KIAA1549L: variants seen among roughly 807,000 people sequenced by gnomAD.
The protein encoded by KIAA1549L is UPF0606 protein KIAA1549L.
A neutral mutation model predicts 160.7 loss-of-function variants in KIAA1549L; 88 were observed. The observed-to-expected ratio is 0.55, with a 90% CI of 0.46 to 0.65. The LOEUF (loss-of-function observed/expected upper bound fraction) is 0.65, where lower values mean the gene tolerates loss of function less well. Ranked by LOEUF, KIAA1549L falls within the 30% of genes least tolerant of loss-of-function variation. KIAA1549L has a pLI of 0.00. For synonymous variants in KIAA1549L, 950 were observed against 976.7 expected (o/e 0.97, Z 0.51); for missense variants, 2,258 against 2,437.5 (o/e 0.93, Z 1.55).
intron 1 of KIAA1549L, among the ~76,000 whole-genome samples, chr11:33,492,430 C>G (rs1277674366): frequency 6.6e-6 from 1 of 152,092 alleles, no homozygotes; most frequent in African/African-American, 2.4e-5. Context: ...ACCTTGAACC[C>G]TGGACTAGGA....
chr11:33,457,835 T>A (rs1851861321), intron 1 of KIAA1549L, among the ~76,000 whole-genome samples: 1 of 152,210 alleles, frequency 6.6e-6, no homozygotes, highest in Admixed American at 6.5e-5. Context: ...TAGGGTCCCA[T>A]TCTGGCCCTC....
At chr11:33,592,403 T>C (rs935023928) in intron 12 of KIAA1549L, among the ~76,000 whole-genome samples, 6 of 152,188 alleles carry the variant, frequency 3.9e-5, no homozygotes, top group African/African-American at 4.8e-5. Flanking sequence ...GACTTTGCAA[T>C]AGCCTTATAA....
At chr11:33,478,318 GC>G in intron 1 of KIAA1549L, among the ~76,000 whole-genome samples, 1 of 152,330 alleles carries the variant, frequency 6.6e-6, no homozygotes, top group Admixed American at 6.5e-5. Flanking sequence ...GGCTTTGCAA[GC>G]CCCCCAGACG....
At chr11:33,422,765 A>G (rs1851044199) in intron 1 of KIAA1549L, among the ~76,000 whole-genome samples, 1 of 151,908 alleles carries the variant, frequency 6.6e-6, no homozygotes, top group South Asian at 2.1e-4. Context: ...ATAATGAGGT[A>G]TAGTCAGTGG....
At chr11:33,434,272 T>C (rs1055357932) in intron 1 of KIAA1549L, among the ~76,000 whole-genome samples, 1 of 152,168 alleles carries the variant, frequency 6.6e-6, no homozygotes, top group Non-Finnish European at 1.5e-5. Context: ...CTGATGGTTT[T>C]ATAAATGGGA....
intron 1 of KIAA1549L, among the ~76,000 whole-genome samples, chr11:33,482,176 T>C (rs1852423817): frequency 6.6e-6 from 1 of 152,250 alleles, no homozygotes; most frequent in African/African-American, 2.4e-5. Context: ...AGGTTATTGA[T>C]TTTTGAGGAT....
chr11:33,616,390 T>C (rs1430256226), intron 15 of KIAA1549L, among the ~76,000 whole-genome samples: 5 of 152,088 alleles, frequency 3.3e-5, no homozygotes, highest in Non-Finnish European at 7.4e-5. Flanking sequence ...ACAACTCAGG[T>C]CAGATGCCCA....
rs1005645556 is a variant in KIAA1549L at position 33,673,009 on chromosome 11, A to T, written c.*4855A>T. On this transcript the variant is annotated 3_prime_UTR_variant, in exon 21 of 21. Coordinates refer to ENST00000658780, the MANE Select transcript of KIAA1549L (RefSeq NM_012194.3). ...TTGGCTGTGACCTTCTGAATATAAT[A>T]ACTTAGTGTCCTGAGAATTGAAAGG... is the stretch of plus-strand genomic sequence containing the variant. 9.2e-5 allele frequency: 14 copies of T among 152,432 alleles called. No homozygotes were observed. Among genetic ancestry groups the T allele is most frequent in the Non-Finnish European group, 2.9e-5 (2 of 68,046 alleles). 9.4% of individuals were successfully genotyped at this position (152,432 alleles called of 1,614,324 possible).
intron 10 of KIAA1549L, among the ~76,000 whole-genome samples, chr11:33,577,985 A>G (rs564983627): frequency 3.0e-4 from 46 of 152,266 alleles, no homozygotes; most frequent in African/African-American, 1.0e-3. Context: ...GTCACTGTCT[A>G]TAGTCTTATT....
chr11:33,620,454 A>G (rs567811856), intron 16 of KIAA1549L, among the ~76,000 whole-genome samples: 4 of 152,356 alleles, frequency 2.6e-5, no homozygotes, highest in African/African-American at 4.8e-5. Context: ...TTGCTTACCT[A>G]TATCTCCTCT....
In KIAA1549L at chr11:33,542,493, A is replaced by G; in HGVS notation, c.930A>G (p.Ile310Met). Residue 310 changes from isoleucine to methionine, a missense_variant, in exon 2 of 21, where the codon ATA (isoleucine) becomes ATG (methionine). By Grantham distance (10) the Ile-to-Met change is conservative (BLOSUM62 1). Coordinates refer to ENST00000658780, the MANE Select transcript of KIAA1549L (RefSeq NM_012194.3). ...CATCCCAAAATGCCCAGGATCTCAT[A>G]GGCATCCCTCATCTAGGTGTTTCTG... ...HTASQNAQDL[I>M]GIPHLGVSGS... 1 of 1,613,654 alleles carries G rather than the reference A, an allele frequency of 6.2e-7. No homozygotes were observed. Among genetic ancestry groups the G allele is most frequent in the Non-Finnish European group, 8.5e-7 (1 of 1,179,722 alleles).
chr11:33,567,305 G>A (rs1043577427), intron 8 of KIAA1549L, among the ~76,000 whole-genome samples: 1 of 152,234 alleles, frequency 6.6e-6, no homozygotes. Flanking sequence ...AGCTCATTGG[G>A]CTTATGTTGG....
chr11:33,390,168 G>A (rs1182280194), intron 1 of KIAA1549L, among the ~76,000 whole-genome samples: 1 of 152,180 alleles, frequency 6.6e-6, no homozygotes, highest in Non-Finnish European at 1.5e-5. Context: ...AACAGTAACT[G>A]GTTCAGTGTC....
Position 33,667,935 on chromosome 11 carries a change from C to T in KIAA1549L, c.6222C>T (p.Ser2074=), listed in dbSNP as rs375635200. Residue 2074 remains serine (S), a synonymous_variant, in exon 21 of 21, where the codon TCC becomes TCT. Coordinates refer to ENST00000658780, the MANE Select transcript of KIAA1549L (RefSeq NM_012194.3). Reference sequence around the variant, plus strand: ...CACGGTACCCCCAGAGCTCTCCCTCCAGGCTTCCTCGTCAGTACAGCCAGC... The same window carrying T: ...CACGGTACCCCCAGAGCTCTCCCTCTAGGCTTCCTCGTCAGTACAGCCAGC... ...PRSRYPQSSP[S]RLPRQYSQPA... 2.5e-6 allele frequency: 4 copies of T among 1,613,708 alleles called. No homozygotes were observed. The African/African-American group carries it at 5.3e-5, about 22-fold the overall frequency.
chr11:33,603,821 G>A (rs1322136342), intron 13 of KIAA1549L, among the ~76,000 whole-genome samples: 1 of 151,162 alleles, frequency 6.6e-6, no homozygotes, highest in African/African-American at 2.4e-5. Context: ...AAAAAAGAAA[G>A]AAAAAAGAAG....
At chr11:33,608,189 C>A (rs931482468) in intron 14 of KIAA1549L, among the ~76,000 whole-genome samples, 3 of 152,194 alleles carry the variant, frequency 2.0e-5, no homozygotes, top group Non-Finnish European at 4.4e-5. Flanking sequence ...TAGTTCATTT[C>A]TCTGTGCCTC....
intron 1 of KIAA1549L, among the ~76,000 whole-genome samples, chr11:33,455,788 A>C (rs1447309317): frequency 6.6e-6 from 1 of 152,206 alleles, no homozygotes. Context: ...TAAATAATTG[A>C]AGTACTTATC....
intron 1 of KIAA1549L, among the ~76,000 whole-genome samples, chr11:33,405,882 A>G (rs1325598020): frequency 6.6e-6 from 1 of 150,654 alleles, no homozygotes; most frequent in Non-Finnish European, 1.5e-5. Context: ...TCTACTAGGA[A>G]TAGTGTTTTA....
In KIAA1549L at chr11:33,658,735, C is replaced by G. The variant is rs746120879; in HGVS notation, c.5859-15C>G. On this transcript the variant is annotated splice_polypyrimidine_tract_variant and intron_variant, in intron 18 of 20. Coordinates refer to ENST00000658780, the MANE Select transcript of KIAA1549L (RefSeq NM_012194.3). The stretch of plus-strand genomic sequence containing the variant: ...GTCTGGGACAGTGCTAACGCAGTCC[C>G]TCTGCCCCATCTAGATCCACCTCAG... The G allele has an allele frequency of 6.4e-6, 10 of 1,567,844 alleles. No individual in the cohort carries two copies. The highest frequency in any genetic ancestry group is 1.4e-5 in the African/African-American group (1 of 73,468).
Sources: allele counts gnomAD v4.1 joint callset (sites outside exome capture counted in the v4.1 genomes callset), GRCh38; gene constraint gnomAD v4.1.1; transcripts MANE v1.5; gene names NCBI Gene and HGNC (gene_info 2026-07-23, HGNC 2026-07-21).